Variants in PNPLA7 observed in about 807,000 individuals in gnomAD.
PNPLA7 encodes patatin like domain 7, lysophospholipase, also known as patatin-like phospholipase domain-containing protein 7.
A neutral mutation model predicts 161.7 loss-of-function variants in PNPLA7; 153 were observed. The ratio of observed to expected loss-of-function variants is 0.95; its 90% CI spans 0.83 to 1.08. PNPLA7 has a LOEUF of 1.08. PNPLA7 is among the 50% of genes least tolerant of loss of function. The probability of loss-of-function intolerance (pLI) is 0.00; values close to 1 mark genes in which losing one functional copy is unlikely to be tolerated. For missense variants in PNPLA7, 1,739 were observed against 1,856.6 expected, an observed-to-expected ratio of 0.94 and a Z score of 1.16; for synonymous variants, 809 against 782.1, an observed-to-expected ratio of 1.03 and a Z score of -0.57.
intron 14 of PNPLA7, among the ~76,000 whole-genome samples, chr9:137,502,457 G>A (rs948178607): frequency 1.1e-4 from 17 of 150,224 alleles, no homozygotes; most frequent in African/African-American, 3.9e-4. Context: ...ATCACATGTC[G>A]CCAAAAGTTT....
rs753635726 is a variant in PNPLA7 at position 137,461,998 on chromosome 9, C to T, written c.3689G>A (p.Gly1230Asp). Reference protein sequence around the residue: ...QHGRTVFDIWGRSGVLEKMLR... With the variant: ...QHGRTVFDIWDRSGVLEKMLR... ...CATCTTCTCCAGCACGCCGCTGCGG[C>T]CCCAGATGTCAAACACCGTGCGCCC... The change falls in exon 32 of 35, where the codon GGC becomes GAC. Residue 1230 changes from glycine to aspartate, a missense_variant. This residue lies in a region of PNPLA7 where 703 missense variants were observed against 694.6 expected (regional missense o/e 1.01). Transcript: ENST00000406427. The T allele has an allele frequency of 1.0e-5, 16 of 1,601,370 alleles. No individual in the cohort carries two copies. In the South Asian group the frequency reaches 1.2e-4, roughly 12 times the overall value.
At position 137,463,407 on chromosome 9, in the gene PNPLA7, C is replaced by G. The variant is rs532187567; in HGVS notation, c.3343+8G>C. ...CTCCTGCCGGGCGTGGTCCCCCCAC[C>G]GCAGTACCTGGGAGGTTGTTGATGT... On this transcript the variant is annotated splice_region_variant and intron_variant, in intron 29 of 34. Coordinates refer to ENST00000406427, the MANE Select transcript of PNPLA7 (RefSeq NM_001098537.3). 29 of 1,597,660 alleles carry G rather than the reference C, an allele frequency of 1.8e-5. No homozygotes were observed. The South Asian group carries it at 3.3e-4, about 18-fold the overall frequency.
chr9:137,501,169 G>C (rs1833389212), intron 15 of PNPLA7, among the ~76,000 whole-genome samples: 1 of 152,210 alleles, frequency 6.6e-6, no homozygotes, highest in East Asian at 1.9e-4. Context: ...CCCGCATACT[G>C]ACTGTCCCTG....
rs573694628 is a variant in PNPLA7 at position 137,500,238 on chromosome 9, C to T, written c.1757+453G>A. 7.2e-5 allele frequency among the ~76,000 whole-genome samples: 11 copies of T among 152,384 alleles called. No homozygotes were observed. The highest frequency in any genetic ancestry group is 3.9e-4 in the East Asian group (2 of 5,182). On this transcript the variant is annotated intron_variant, in intron 16 of 34. Transcript: ENST00000406427. The surrounding 1 kb of genome is among the most constrained non-coding windows in gnomAD (Gnocchi z 5.5). The stretch of plus-strand genomic sequence containing the variant: ...GGGCTCCTCCCCCGAGCCAGAGACG[C>T]GTCCTCACCCACTGCCTTGCCCTTC...
chr9:137,515,465 G>A lies in PNPLA7; in HGVS notation c.1139C>T (p.Ser380Phe). 1.9e-6 allele frequency: 3 copies of A among 1,587,400 alleles called. No individual in the cohort carries two copies. In the African/African-American group the frequency reaches 4.0e-5, roughly 21 times the overall value. Residue 380 changes from serine (S) to phenylalanine (F), a missense_variant, in exon 12 of 35, where the codon TCC becomes TTC. By Grantham distance (155) the Ser-to-Phe change is radical. Coordinates refer to ENST00000406427, the MANE Select transcript of PNPLA7 (RefSeq NM_001098537.3). ...AAGPLLKRSHSVPAPSIRKQI... is the reference protein window; with the variant it reads ...AAGPLLKRSHFVPAPSIRKQI... ...TTTGCGAATGGAAGGCGCGGGGACGGAGTGGCTCCTCTTCAGCAGGGGCCC... is the reference window on the plus strand; with the variant it reads ...TTTGCGAATGGAAGGCGCGGGGACGAAGTGGCTCCTCTTCAGCAGGGGCCC...
At chr9:137,516,252 G>C (rs1284581074) in intron 11 of PNPLA7, 1 of 925,548 alleles carries the variant, frequency 1.1e-6, no homozygotes, top group Non-Finnish European at 1.3e-6. Context: ...ATTGGTGGAT[G>C]TGGCTGTCTG....
intron 12 of PNPLA7, 93 bp downstream of exon 12, chr9:137,515,286 C>T (rs950414285): frequency 1.1e-5 from 16 of 1,484,874 alleles, no homozygotes; most frequent in South Asian, 2.6e-5. Flanking sequence ...CCCGCCTCGG[C>T]GGCGATGCTG....
In PNPLA7 at chr9:137,500,591, A is replaced by T. The variant is rs569215212; in HGVS notation, c.1757+100T>A. ...AAAGAGGGGAGCCCGAGAAGCAGGGAAGAGGGTGAGAGCACCAGGAAGAGG... is the reference window on the plus strand; with the variant it reads ...AAAGAGGGGAGCCCGAGAAGCAGGGTAGAGGGTGAGAGCACCAGGAAGAGG... On this transcript the variant is annotated intron_variant, in intron 16 of 34. Transcript: ENST00000406427. The surrounding 1 kb of genome is among the most constrained non-coding windows in gnomAD (Gnocchi z 5.5). The T allele has an allele frequency of 9.0e-7, 1 of 1,105,014 alleles. No homozygotes were observed. The highest frequency in any genetic ancestry group is 2.3e-5 in the Admixed American group (1 of 43,264). The allele number at this position is 1,105,014 out of a possible 1,614,324, so 68.5% of individuals were successfully genotyped here. A position where few individuals can be genotyped will look rare whatever the true frequency, so the allele number is the denominator to read the frequency against.
Position 137,476,029 on chromosome 9 carries a change from C to A in PNPLA7, c.2882+2005G>T, listed in dbSNP as rs1273835371. 6.6e-6 allele frequency among the ~76,000 whole-genome samples: 1 copy of A among 152,102 alleles called. No individual in the cohort carries two copies. The highest frequency in any genetic ancestry group is 6.6e-5 in the Admixed American group (1 of 15,266). ...AAATTACAGGAAATGGAATTGAACA[C>A]AGGAGAGAAACAAAGGCAGTTTCCA... On this transcript the variant is annotated intron_variant, in intron 25 of 34. Transcript: ENST00000406427. The surrounding 1 kb of genome is among the most constrained non-coding windows in gnomAD (Gnocchi z 4.5).
At chr9:137,539,394 T>G (rs11795029) in intron 8 of PNPLA7, among the ~76,000 whole-genome samples, 35,443 of 151,718 alleles carry the variant, frequency 0.23, 4,755 homozygotes, top group East Asian at 0.67. Context: ...GTTAATGGCT[T>G]GGCATGATGG....
At position 137,542,685 on chromosome 9, in the gene PNPLA7, C is replaced by G; in HGVS notation, c.623G>C (p.Cys208Ser). Residue 208 changes from cysteine to serine, a missense_variant, in exon 7 of 35, where the codon TGT becomes TCT. Physicochemically the swap from Cys to Ser is moderately radical, Grantham distance 112. Transcript: ENST00000406427. ...FQPREPDPSICVVQDGRLEVC... is the reference protein window; with the variant it reads ...FQPREPDPSISVVQDGRLEVC... The stretch of plus-strand genomic sequence containing the variant: ...CTCCAGCCGCCCGTCCTGCACCACA[C>G]AGATGCTGGGGTCCGGCTCCCTGGG... 1 of 1,613,264 alleles carries G rather than the reference C, an allele frequency of 6.2e-7. No homozygotes were observed. Among genetic ancestry groups the G allele is most frequent in the Non-Finnish European group, 8.5e-7 (1 of 1,180,026 alleles).
rs760155427 is a variant in PNPLA7, at chr9:137,515,398, A to G, written c.1206T>C (p.Pro402=). ...EELEKPGAGD[P]DPSAPQGGPG... ...CTTTACCTTGTGGGGCCGAAGGGTC[A>G]GGGTCACCTGCCCCGGGCTTCTCCA... is the stretch of plus-strand genomic sequence containing the variant. Residue 402 remains proline, a synonymous_variant, in exon 12 of 35, where the codon CCT becomes CCC. Coordinates refer to ENST00000406427, the MANE Select transcript of PNPLA7 (RefSeq NM_001098537.3). The G allele has an allele frequency of 5.4e-5, 86 of 1,604,568 alleles. No homozygotes were observed. The highest frequency in any genetic ancestry group is 7.1e-5 in the Non-Finnish European group (83 of 1,176,678).
rs1835949001 is a variant in PNPLA7 at position 137,537,366 on chromosome 9, G to A, written c.747+3276C>T. On this transcript the variant is annotated intron_variant, in intron 8 of 34. Coordinates refer to ENST00000406427, the MANE Select transcript of PNPLA7 (RefSeq NM_001098537.3). The surrounding 1 kb of genome is among the most constrained non-coding windows in gnomAD (Gnocchi z 4.5). ...TGGAGTGTCACTCTGTCACCAGGCTGGAGTGCAGTGGCACAATCTCAGCTC... is the reference window on the plus strand; with the variant it reads ...TGGAGTGTCACTCTGTCACCAGGCTAGAGTGCAGTGGCACAATCTCAGCTC... Among the ~76,000 whole-genome samples, 1 of 151,792 alleles carries A rather than the reference G, an allele frequency of 6.6e-6. No individual in the cohort carries two copies. The highest frequency in any genetic ancestry group is 1.5e-5 in the Non-Finnish European group (1 of 67,960).
At chr9:137,488,410 A>G (rs17065436) in intron 20 of PNPLA7, among the ~76,000 whole-genome samples, 86,048 of 152,066 alleles carry the variant, frequency 0.57, 24,564 homozygotes, top group East Asian at 0.66. Context: ...CTTGGGAAAA[A>G]GCACTGGTGA....
chr9:137,550,171 T>C lies in PNPLA7; in HGVS notation c.27A>G (p.Pro9=). The stretch of plus-strand genomic sequence containing the variant: ...TCTGGTCCCCCGAGTTACATACCTG[T>C]GGGCTGTCATCTTTCTCTTCCTCCA... MEEEKDDS[P]QADFCLGTAL... is the part of the protein sequence containing the mutation. Residue 9 remains proline (P), a synonymous_variant, in exon 1 of 35, where the codon CCA becomes CCG. Transcript: ENST00000406427. 6.2e-7 allele frequency: 1 copy of C among 1,612,936 alleles called. No individual in the cohort carries two copies. Among genetic ancestry groups the C allele is most frequent in the South Asian group, 1.1e-5 (1 of 91,072 alleles).
intron 28 of PNPLA7, 66 bp from the exon 29 acceptor site, chr9:137,463,597 C>T (rs1831324088): frequency 6.6e-6 from 8 of 1,212,760 alleles, no homozygotes; most frequent in East Asian, 2.5e-5. Flanking sequence ...GGGTTCAGGG[C>T]CTTGCCACTG....
chr9:137,460,524 C>T, intron 34 of PNPLA7, 48 bp from the exon 35 acceptor site: 1 of 1,605,818 alleles, frequency 6.2e-7, no homozygotes, highest in Non-Finnish European at 8.5e-7. Flanking sequence ...AGGGCAGGGG[C>T]TCTGCAGCGC....
chr9:137,481,014 A>G lies in PNPLA7; in HGVS notation c.2357T>C (p.Leu786Pro). The G allele has an allele frequency of 6.4e-7, 1 of 1,551,690 alleles. No individual in the cohort carries two copies. The highest frequency in any genetic ancestry group is 8.7e-7 in the Non-Finnish European group (1 of 1,146,952). ...EHALSAIGPT[L>P]LLTSDNIKRR... is the part of the protein sequence containing the mutation. ...TTTTATGTTGTCACTAGTCAGCAGC[A>G]GGGTCGGGCCTGAAAACACCACCAC... The change falls in exon 22 of 35, where the codon CTG becomes CCG. Residue 786 changes from leucine to proline, a missense_variant. Coordinates refer to ENST00000406427, the MANE Select transcript of PNPLA7 (RefSeq NM_001098537.3).
chr9:137,511,638 C>T (rs1834244371), intron 12 of PNPLA7, among the ~76,000 whole-genome samples: 1 of 152,204 alleles, frequency 6.6e-6, no homozygotes, highest in Non-Finnish European at 1.5e-5. Flanking sequence ...TCCACCAGTT[C>T]TTGTGGGGGG....
Sources: allele counts gnomAD v4.1 joint callset (sites outside exome capture counted in the v4.1 genomes callset), GRCh38; gene constraint gnomAD v4.1.1; regional missense constraint gnomAD v4.1.1; non-coding constraint Gnocchi (gnomAD v3.1); transcripts MANE v1.5; gene names NCBI Gene and HGNC (gene_info 2026-07-23, HGNC 2026-07-21).